DDC: variants seen among roughly 807,000 people sequenced by gnomAD.
DDC encodes the protein aromatic-L-amino-acid decarboxylase.
Under a neutral mutation model 60.0 loss-of-function variants are expected in DDC, and 43 were observed. That is an observed-to-expected ratio of 0.72 (90% CI 0.56 to 0.92). DDC has a LOEUF of 0.92. Ranked by LOEUF, DDC falls within the 40% of genes least tolerant of loss-of-function variation. The pLI, the probability that DDC is intolerant of heterozygous loss-of-function variation, is 0.00. For missense variants in DDC, 573 were observed against 620.2 expected (o/e 0.92, Z 0.81); for synonymous variants, 232 against 234.6 (o/e 0.99, Z 0.10).
At chr7:50,493,104 T>C (rs1339443262) in intron 9 of DDC, 16 of 947,336 alleles carry the variant, frequency 1.7e-5, no homozygotes, top group Non-Finnish European at 2.5e-5. Context: ...CCCTGACCGC[T>C]TCAGTTTCCT....
chr7:50,553,789 T>A (rs939331367), intron 1 of DDC, among the ~76,000 whole-genome samples: 6 of 152,158 alleles, frequency 3.9e-5, no homozygotes, highest in Admixed American at 2.6e-4. Flanking sequence ...CCAGCCTGAC[T>A]TGTTTCTTGA....
At chr7:50,467,831 A>C (rs1386834019) in intron 12 of DDC, among the ~76,000 whole-genome samples, 1 of 152,200 alleles carries the variant, frequency 6.6e-6, no homozygotes, top group Non-Finnish European at 1.5e-5. Flanking sequence ...TAGGATTCTA[A>C]GGCAGCCTGA....
At chr7:50,459,246 GGT>G (rs2042194630) in intron 14 of DDC, among the ~76,000 whole-genome samples, 1 of 152,238 alleles carries the variant, frequency 6.6e-6, no homozygotes. Flanking sequence ...GACGGAGTCT[GGT>G]TCACTCAGTG....
At chr7:50,476,534 T>G in intron 11 of DDC, 90 bp downstream of exon 11, 49 of 1,215,142 alleles carry the variant, frequency 4.0e-5, no homozygotes, top group Non-Finnish European at 5.7e-5. Flanking sequence ...GTGCTGATCA[T>G]GAGAGTGGGG....
chr7:50,552,531 C>T (rs2329340), intron 1 of DDC, among the ~76,000 whole-genome samples: 50,422 of 151,966 alleles, frequency 0.33, 8,923 homozygotes, highest in East Asian at 0.49. Context: ...CAGCCCCACA[C>T]GCTTCAAGAA....
intron 6 of DDC, among the ~76,000 whole-genome samples, chr7:50,525,862 G>A (rs2044023775): frequency 6.6e-6 from 1 of 151,806 alleles, no homozygotes; most frequent in South Asian, 2.1e-4. Context: ...GAGATTAATT[G>A]GTAAATTGTA....
chr7:50,539,829 A>G, intron 3 of DDC, 86 bp downstream of exon 3: 1 of 968,866 alleles, frequency 1.0e-6, no homozygotes, highest in Non-Finnish European at 1.6e-6. Flanking sequence ...CCATCTGCTC[A>G]GGTCCCTTGT....
intron 1 of DDC, among the ~76,000 whole-genome samples, chr7:50,558,450 A>G (rs1161088437): frequency 6.6e-6 from 1 of 152,124 alleles, no homozygotes; most frequent in Non-Finnish European, 1.5e-5. Context: ...TGGTGTTGCT[A>G]AGAAGCCTGC....
At chr7:50,561,590 C>T (rs2045344760) in intron 1 of DDC, among the ~76,000 whole-genome samples, 1 of 152,120 alleles carries the variant, frequency 6.6e-6, no homozygotes, top group Non-Finnish European at 1.5e-5. Context: ...TTAAGCCTAT[C>T]AGCATCTAAA....
intron 6 of DDC, among the ~76,000 whole-genome samples, chr7:50,513,630 G>T (rs1338679402): frequency 6.6e-6 from 1 of 152,170 alleles, no homozygotes; most frequent in Non-Finnish European, 1.5e-5. Context: ...GGGGCTCTTG[G>T]CAGGGGCACG....
rs561332995 is a variant in DDC at position 50,500,132 on chromosome 7, G to A, written c.782-890C>T. Among the ~76,000 whole-genome samples, 18 of 152,188 alleles carry A rather than the reference G, an allele frequency of 1.2e-4. No homozygotes were observed. The East Asian group carries it at 2.1e-3, about 18-fold the overall frequency. Reference sequence around the variant, plus strand: ...AAGGGTGAAGGACCACAGAGAGGGCGCGAGCCACCCTCACCTCACAGGGTG... The same window carrying A: ...AAGGGTGAAGGACCACAGAGAGGGCACGAGCCACCCTCACCTCACAGGGTG... On this transcript the variant is annotated intron_variant, in intron 7 of 14. Coordinates refer to ENST00000444124, the MANE Select transcript of DDC (RefSeq NM_001082971.2).
At position 50,543,904 on chromosome 7, in the gene DDC, T is replaced by A; in HGVS notation, c.182A>T (p.Glu61Val). Reference sequence around the variant, plus strand: ...ACTTACCCCAGGCATGATTATCTTCTCAACGTCGTTGATGATGTCCTCAAA... The same window carrying A: ...ACTTACCCCAGGCATGATTATCTTCACAACGTCGTTGATGATGTCCTCAAA... ...DTFEDIINDV[E>V]KIIMPGVTHW... is the part of the protein sequence containing the mutation. The change falls in exon 2 of 15, where the codon GAG becomes GTG. Residue 61 changes from glutamate (E) to valine (V), a missense_variant. Transcript: ENST00000444124. The A allele has an allele frequency of 1.2e-6, 2 of 1,614,190 alleles. No homozygotes were observed. Among genetic ancestry groups the A allele is most frequent in the Non-Finnish European group, 1.7e-6 (2 of 1,180,032 alleles).
chr7:50,514,141 T>C (rs1355995469), intron 6 of DDC, among the ~76,000 whole-genome samples: 1 of 152,056 alleles, frequency 6.6e-6, no homozygotes, highest in African/African-American at 2.4e-5. Context: ...CATAAATAGT[T>C]CACACTGAAG....
chr7:50,489,570 C>G (rs1338176947), intron 9 of DDC, among the ~76,000 whole-genome samples: 1 of 152,160 alleles, frequency 6.6e-6, no homozygotes. Context: ...AAAGCCTCAT[C>G]TTCAGACCCA....
intron 10 of DDC, among the ~76,000 whole-genome samples, chr7:50,478,800 A>G (rs1275298897): frequency 9.4e-6 from 1 of 106,486 alleles, no homozygotes; most frequent in Admixed American, 1.2e-4. Flanking sequence ...GGTAATTGGT[A>G]AGTGGTGCAG....
intron 4 of DDC, among the ~76,000 whole-genome samples, chr7:50,536,187 C>T (rs1441262647): frequency 1.3e-5 from 2 of 152,296 alleles, no homozygotes; most frequent in South Asian, 2.1e-4. Context: ...TGATGGCCTC[C>T]TTTGGAAAGG....
rs749684919 is a variant in DDC, at chr7:50,479,819, G to C, written c.989C>G (p.Pro330Arg). The C allele has an allele frequency of 1.2e-6, 2 of 1,613,740 alleles. No individual in the cohort carries two copies. Among genetic ancestry groups the C allele is most frequent in the East Asian group, 4.5e-5 (2 of 44,876 alleles). Residue 330 changes from proline to arginine, a missense_variant, in exon 10 of 15, where the codon CCC becomes CGC. Physicochemically the swap from Pro to Arg is moderately radical, Grantham distance 103. Coordinates refer to ENST00000444124, the MANE Select transcript of DDC (RefSeq NM_001082971.2). ...TDLTGAFRLD[P>R]TYLKHSHQDS... Reference sequence around the variant, plus strand: ...CTGATGGCTGTGCTTCAGGTAAGTGGGGTCCAGTCTAAAGGCTCCCGTTAA... The same window carrying C: ...CTGATGGCTGTGCTTCAGGTAAGTGCGGTCCAGTCTAAAGGCTCCCGTTAA...
At chr7:50,531,580 G>T (rs531278372) in intron 4 of DDC, among the ~76,000 whole-genome samples, 5 of 152,106 alleles carry the variant, frequency 3.3e-5, no homozygotes, top group East Asian at 3.9e-4. Context: ...TTTTCTCTGG[G>T]GGGGGATGGG....
chr7:50,458,958 CCCACGGTCTCCCTCTCCCTCTCTTT>C (rs984755022), intron 14 of DDC, 115 bp from the exon 15 acceptor site: 5 of 151,754 alleles, frequency 3.3e-5, no homozygotes, highest in African/African-American at 1.2e-4. Context: ...TCTCCCTCTC[CCCACGGTCTCCCTCTCCCTCTCTTT>C]CCACGGTCTC....
Sources: allele counts gnomAD v4.1 joint callset (sites outside exome capture counted in the v4.1 genomes callset), GRCh38; gene constraint gnomAD v4.1.1; transcripts MANE v1.5; gene names NCBI Gene and HGNC (gene_info 2026-07-23, HGNC 2026-07-21).